TMPRSS15: variants seen among roughly 807,000 people sequenced by gnomAD.
TMPRSS15 encodes enteropeptidase.
A neutral mutation model predicts 125.3 loss-of-function variants in TMPRSS15; 128 were observed. That is an observed-to-expected ratio of 1.02 (90% CI 0.89 to 1.18). The LOEUF is 1.18. Among genes scored for constraint, TMPRSS15 ranks in the 50% most tolerant of loss-of-function variants. The pLI, the probability that TMPRSS15 is intolerant of heterozygous loss-of-function variation, is 0.00. For synonymous variants in TMPRSS15, 446 were observed against 423.2 expected (o/e 1.05, Z -0.66); for missense variants, 1,283 against 1,212.7 (o/e 1.06, Z -0.86).
chr21:18,435,713 T>C (rs967738207), intron 1 of TMPRSS15, among the ~76,000 whole-genome samples: 7 of 152,046 alleles, frequency 4.6e-5, no homozygotes, highest in South Asian at 4.1e-4. Flanking sequence ...ATGGTACCAG[T>C]TCCTCCTTGT....
chr21:18,306,255 A>T (rs181635012), intron 18 of TMPRSS15, among the ~76,000 whole-genome samples: 3 of 152,294 alleles, frequency 2.0e-5, no homozygotes, highest in Admixed American at 2.0e-4. Context: ...GAAGCACTAT[A>T]TGTCTACCAC....
At chr21:18,427,102 A>G (rs1041153874) in intron 1 of TMPRSS15, among the ~76,000 whole-genome samples, 4 of 152,204 alleles carry the variant, frequency 2.6e-5, no homozygotes, top group African/African-American at 9.6e-5. Flanking sequence ...TTACAAAGGA[A>G]ATGATTGGCT....
chr21:18,325,576 A>C (rs1247602966), intron 16 of TMPRSS15, among the ~76,000 whole-genome samples: 1 of 152,106 alleles, frequency 6.6e-6, no homozygotes, highest in African/African-American at 2.4e-5. Context: ...CTAGATATTC[A>C]AGTGAAATAC....
At chr21:18,457,347 C>T (rs754412238) in intron 1 of TMPRSS15, among the ~76,000 whole-genome samples, 2 of 151,892 alleles carry the variant, frequency 1.3e-5, no homozygotes, top group African/African-American at 2.4e-5. Flanking sequence ...ATTGGAGACA[C>T]GTACGTTTCT....
chr21:18,424,696 A>G (rs2076198854), intron 1 of TMPRSS15, among the ~76,000 whole-genome samples: 1 of 152,094 alleles, frequency 6.6e-6, no homozygotes, highest in South Asian at 2.1e-4. Flanking sequence ...AAATGAATGC[A>G]TTATTCTTTG....
chr21:18,409,451 G>T (rs186838438), intron 1 of TMPRSS15, among the ~76,000 whole-genome samples: 33 of 151,902 alleles, frequency 2.2e-4, no homozygotes, highest in Middle Eastern at 6.8e-3. Context: ...TGGGGTTAGG[G>T]TCCAATTTTC....
At chr21:18,305,770 T>C (rs1253060622) in intron 18 of TMPRSS15, among the ~76,000 whole-genome samples, 1 of 152,238 alleles carries the variant, frequency 6.6e-6, no homozygotes, top group Non-Finnish European at 1.5e-5. Context: ...ACCTATTAAG[T>C]ATTAATGTTA....
chr21:18,296,043 C>T (rs2074903453), intron 19 of TMPRSS15, among the ~76,000 whole-genome samples: 1 of 152,106 alleles, frequency 6.6e-6, no homozygotes, highest in African/African-American at 2.4e-5. Flanking sequence ...GCCCCAGCTA[C>T]TTGGGAGGCT....
Position 18,276,656 on chromosome 21 carries a change from A to G in TMPRSS15, c.2765-1320T>C, listed in dbSNP as rs543474640. ...GTTTACTGATTGCCTTGATTTAACC[A>G]ACTAGTATCACCTCATTTCTTCCTA... On this transcript the variant is annotated intron_variant, in intron 23 of 24. Coordinates refer to ENST00000284885, the MANE Select transcript of TMPRSS15 (RefSeq NM_002772.3). Among the ~76,000 whole-genome samples the G allele has an allele frequency of 1.6e-3, 247 of 152,198 alleles. 5 individuals carry two copies. Among genetic ancestry groups the G allele is most frequent in the Middle Eastern group, 0.01 (3 of 294 alleles).
At chr21:18,429,961 T>C (rs1442634320) in intron 1 of TMPRSS15, among the ~76,000 whole-genome samples, 1 of 152,202 alleles carries the variant, frequency 6.6e-6, no homozygotes. Context: ...TTAAATATAG[T>C]TTTAATTCAC....
chr21:18,308,495 G>T (rs2096892575), intron 18 of TMPRSS15, among the ~76,000 whole-genome samples: 1 of 151,322 alleles, frequency 6.6e-6, no homozygotes, highest in Non-Finnish European at 1.5e-5. Flanking sequence ...CTCAATAAAA[G>T]TAGGAATAGA....
intron 18 of TMPRSS15, among the ~76,000 whole-genome samples, chr21:18,305,260 C>T (rs1285333875): frequency 4.9e-5 from 7 of 141,462 alleles, no homozygotes; most frequent in Non-Finnish European, 1.0e-4. Context: ...GCGATCTCGG[C>T]TCACTGCAAG....
intron 16 of TMPRSS15, among the ~76,000 whole-genome samples, chr21:18,321,542 C>T (rs920580623): frequency 6.6e-6 from 1 of 151,898 alleles, no homozygotes; most frequent in Non-Finnish European, 1.5e-5. Flanking sequence ...TTAGTAGAGA[C>T]GGGGTTTCAC....
intron 16 of TMPRSS15, among the ~76,000 whole-genome samples, chr21:18,319,065 G>A (rs1037103461): frequency 1.3e-5 from 2 of 151,896 alleles, no homozygotes; most frequent in Admixed American, 6.6e-5. Flanking sequence ...ATTGGCTGAC[G>A]GTAATTCTAG....
chr21:18,411,246 T>G (rs565523400), intron 1 of TMPRSS15, among the ~76,000 whole-genome samples: 28 of 152,278 alleles, frequency 1.8e-4, no homozygotes, highest in African/African-American at 6.0e-4. Flanking sequence ...GGATGGTGTG[T>G]TGTGAAAAAT....
chr21:18,354,166 T>G (rs1396441754), intron 8 of TMPRSS15, among the ~76,000 whole-genome samples: 1 of 151,880 alleles, frequency 6.6e-6, no homozygotes. Context: ...ATTCATTTAC[T>G]GGCAAAGTTC....
intron 1 of TMPRSS15, among the ~76,000 whole-genome samples, chr21:18,463,070 T>A (rs1978581445): frequency 6.6e-6 from 1 of 151,830 alleles, no homozygotes; most frequent in African/African-American, 2.4e-5. Context: ...AATTTAACAA[T>A]ATTAAACTTA....
intron 1 of TMPRSS15, among the ~76,000 whole-genome samples, chr21:18,428,585 GGGGCC>G: frequency 1.3e-5 from 2 of 152,162 alleles, no homozygotes; most frequent in South Asian, 4.1e-4. Context: ...TTGGCTGAAA[GGGGCC>G]AATGTAGAGT....
chr21:18,478,186 A>G (rs1978915280), intron 1 of TMPRSS15, among the ~76,000 whole-genome samples: 1 of 152,038 alleles, frequency 6.6e-6, no homozygotes, highest in Non-Finnish European at 1.5e-5. Context: ...GAAACGTTAA[A>G]GCAGCCTTTG....
Sources: gnomAD v4.1 joint callset for allele counts (sites outside exome capture counted in the v4.1 genomes callset) on GRCh38, gnomAD v4.1.1 for gene constraint, MANE v1.5 for transcripts, NCBI Gene and HGNC (gene_info 2026-07-23, HGNC 2026-07-21) for gene names.